The following IL16 variants were observed in gnomAD, a reference collection of about 807,000 sequenced individuals.
The protein encoded by IL16 is pro-interleukin-16.
A neutral mutation model predicts 110.1 loss-of-function variants in IL16; 67 were observed. The ratio of observed to expected loss-of-function variants is 0.61; its 90% CI spans 0.50 to 0.75. The LOEUF (loss-of-function observed/expected upper bound fraction) is 0.75. Ranked by LOEUF, IL16 falls within the 30% of genes least tolerant of loss-of-function variation. The pLI is 0.00. For synonymous variants in IL16, 689 were observed against 662.9 expected, an observed-to-expected ratio of 1.04 and a Z score of -0.61; for missense variants, 1,545 against 1,655.0, an observed-to-expected ratio of 0.93 and a Z score of 1.15.
At chr15:81,220,409 C>T (rs1173347764) in intron 1 of IL16, among the ~76,000 whole-genome samples, 1 of 152,228 alleles carries the variant, frequency 6.6e-6, no homozygotes, top group Non-Finnish European at 1.5e-5. Flanking sequence ...CCCACCTCGG[C>T]ATCCCAAAGT....
Position 81,196,958 on chromosome 15 carries a change from G to C in IL16, c.-296G>C, listed in dbSNP as rs1895615300. The C allele has an allele frequency of 2.4e-6, 3 of 1,268,002 alleles. No homozygotes were observed. Among genetic ancestry groups the C allele is most frequent in the Non-Finnish European group, 3.1e-6 (3 of 981,604 alleles). 78.5% of individuals were successfully genotyped at this position (1,268,002 alleles called of 1,614,324 possible). ...ACGGCATCTCAACTATCGGAGCCTG[G>C]GATCTGACTCAAAGGCCGGCCTCCG... On this transcript the variant is annotated 5_prime_UTR_variant, in exon 1 of 19. Coordinates refer to ENST00000683961, the MANE Select transcript of IL16 (RefSeq NM_172217.5).
At chr15:81,254,361 C>A (rs1163855352) in intron 2 of IL16, among the ~76,000 whole-genome samples, 1 of 152,202 alleles carries the variant, frequency 6.6e-6, no homozygotes, top group African/African-American at 2.4e-5. Context: ...AATTCTCCAT[C>A]TTCATTCTGG....
At chr15:81,258,734 T>G (rs1157905864) in intron 2 of IL16, among the ~76,000 whole-genome samples, 1 of 149,936 alleles carries the variant, frequency 6.7e-6, no homozygotes, top group Non-Finnish European at 1.5e-5. Context: ...GCACGCGCTC[T>G]CTCTCTCTCT....
In IL16 at chr15:81,295,622, C is replaced by A; in HGVS notation, c.1903-1306C>A. ...CTTCTAATGCCATGACTCAGCCTTA[C>A]TTTTTTTAAGGGCTAGTTCGAGAAG... On this transcript the variant is annotated intron_variant, in intron 12 of 18. Transcript: ENST00000683961. 4.4e-6 allele frequency: 3 copies of A among 674,450 alleles called. No individual in the cohort carries two copies. In the South Asian group the frequency reaches 4.8e-5, roughly 11 times the overall value. The allele number at this position is 674,450 out of a possible 1,614,324, so 41.8% of individuals were successfully genotyped here. A position where few individuals can be genotyped will look rare whatever the true frequency, so the allele number is the denominator to read the frequency against.
At chr15:81,292,497 G>T in intron 11 of IL16, 59 bp from the exon 12 acceptor site, 1 of 1,612,182 alleles carries the variant, frequency 6.2e-7, no homozygotes, top group South Asian at 1.1e-5. Context: ...GGTGAGGCCA[G>T]GGGGTATTTC....
At chr15:81,220,915 A>T (rs1055336042) in intron 1 of IL16, among the ~76,000 whole-genome samples, 1 of 152,192 alleles carries the variant, frequency 6.6e-6, no homozygotes, top group Non-Finnish European at 1.5e-5. Flanking sequence ...AAGGAGAGGA[A>T]CTATCCATTT....
In IL16 at chr15:81,313,434, A is replaced by C. The variant is rs533927144; in HGVS notation, c.*4636A>C. ...AAGGCAACAGCAGAGCTGTGTTATG[A>C]TCTGCAGCAGAGGTGCTGGGGACGA... On this transcript the variant is annotated 3_prime_UTR_variant, in exon 19 of 19. Transcript: ENST00000683961. 6.7e-7 allele frequency: 1 copy of C among 1,482,890 alleles called. No homozygotes were observed. The allele number at this position is 1,482,890 out of a possible 1,614,324, so 91.9% of individuals were successfully genotyped here. A position where few individuals can be genotyped will look rare whatever the true frequency, so the allele number is the denominator to read the frequency against.
At chr15:81,297,163 G>A in intron 13 of IL16, 85 bp downstream of exon 13, 1 of 1,346,932 alleles carries the variant, frequency 7.4e-7, no homozygotes, top group South Asian at 1.4e-5. Flanking sequence ...TTGGCCTGAG[G>A]ATCAGAGTGC....
At position 81,299,979 on chromosome 15, in the gene IL16, G is replaced by T; in HGVS notation, c.2653G>T (p.Gly885Ter). The T allele has an allele frequency of 6.2e-7, 1 of 1,602,498 alleles. No homozygotes were observed. Among genetic ancestry groups the T allele is most frequent in the Non-Finnish European group, 8.5e-7 (1 of 1,173,610 alleles). Residue 885 changes from glycine (G) to a stop codon, truncating the protein, a stop_gained, in exon 14 of 19, where the codon GGA (glycine) becomes TGA (stop). Transcript: ENST00000683961. LOFTEE classifies it high-confidence loss of function. ...LGKHEEGRFSGLLGRGAAPTL... is the reference protein window; with the variant it reads ...LGKHEEGRFS ...GAAGCATGAGGAAGGACGGTTTTCTGGACTCTTGGGGCGAGGGGCTGCACC... is the reference window on the plus strand; with the variant it reads ...GAAGCATGAGGAAGGACGGTTTTCTTGACTCTTGGGGCGAGGGGCTGCACC...
In IL16 at chr15:81,312,720, T is replaced by C. The variant is rs1326850891; in HGVS notation, c.*3922T>C. 1 of 152,260 alleles carries C rather than the reference T, an allele frequency of 6.6e-6. No homozygotes were observed. The highest frequency in any genetic ancestry group is 1.5e-5 in the Non-Finnish European group (1 of 68,050). 9.4% of individuals were successfully genotyped at this position (152,260 alleles called of 1,614,324 possible). On this transcript the variant is annotated 3_prime_UTR_variant, in exon 19 of 19. Transcript: ENST00000683961. The stretch of plus-strand genomic sequence containing the variant: ...AAACCATTATTTCCAAGTTGACACC[T>C]TTTTTAAGGAAAAATAAATATTTTG...
chr15:81,194,203 A>G (rs1038600893), upstream of IL16, among the ~76,000 whole-genome samples: 44 of 152,300 alleles, frequency 2.9e-4, no homozygotes, highest in African/African-American at 9.6e-4. Context: ...TCAGTAAGGT[A>G]AAAGGACTTG....
chr15:81,280,845 AC>A (rs1899140639), intron 8 of IL16, among the ~76,000 whole-genome samples: 1 of 152,220 alleles, frequency 6.6e-6, no homozygotes, highest in Admixed American at 6.5e-5. Flanking sequence ...AACAGCTGTA[AC>A]CAGGGCTCCC....
intron 2 of IL16, among the ~76,000 whole-genome samples, chr15:81,258,537 C>CA (rs1413393902): frequency 6.6e-6 from 1 of 151,964 alleles, no homozygotes; most frequent in African/African-American, 2.4e-5. Context: ...TCCGTCTCTA[C>CA]AAAAAATACA....
intron 1 of IL16, among the ~76,000 whole-genome samples, chr15:81,218,549 G>A (rs564997752): frequency 1.4e-4 from 22 of 152,194 alleles, no homozygotes; most frequent in Non-Finnish European, 2.5e-4. Context: ...CCTGCAAATA[G>A]CAAATCTTTA....
At chr15:81,205,994 C>T (rs1007685575) in intron 1 of IL16, among the ~76,000 whole-genome samples, 3 of 152,040 alleles carry the variant, frequency 2.0e-5, no homozygotes, top group South Asian at 2.1e-4. Flanking sequence ...AAACATAAAG[C>T]GTCGAAATAT....
Position 81,273,070 on chromosome 15 carries a change from C to T in IL16, c.676-20C>T. On this transcript the variant is annotated intron_variant, in intron 5 of 18. Coordinates refer to ENST00000683961, the MANE Select transcript of IL16 (RefSeq NM_172217.5). ...CATGGAATACTACCCCTAAATCAGA[C>T]CTTCTCTTTTTTTCCCCAGGGTCTG... 2 of 1,589,942 alleles carry T rather than the reference C, an allele frequency of 1.3e-6. No individual in the cohort carries two copies. Among genetic ancestry groups the T allele is most frequent in the Non-Finnish European group, 1.7e-6 (2 of 1,158,904 alleles).
intron 2 of IL16, 28 bp downstream of exon 2, chr15:81,225,739 T>C: frequency 6.6e-7 from 1 of 1,523,602 alleles, no homozygotes; most frequent in Non-Finnish European, 8.9e-7. Flanking sequence ...AGGCCTGAAC[T>C]AGCCTGCAGT....
At chr15:81,194,651 C>T (rs1449527109), upstream of IL16, among the ~76,000 whole-genome samples, 1 of 151,956 alleles carries the variant, frequency 6.6e-6, no homozygotes, top group African/African-American at 2.4e-5. Flanking sequence ...GAAACTTTAG[C>T]AAGCATCAGA....
intron 12 of IL16, 79 bp from the exon 13 acceptor site, chr15:81,296,849 C>T: frequency 2.3e-6 from 3 of 1,308,506 alleles, no homozygotes; most frequent in Non-Finnish European, 3.2e-6. Context: ...GTTTTTCCGT[C>T]CCAATCAAAG....
Sources: allele counts gnomAD v4.1 joint callset (sites outside exome capture counted in the v4.1 genomes callset), GRCh38; gene constraint gnomAD v4.1.1; transcripts MANE v1.5; gene names NCBI Gene and HGNC (gene_info 2026-07-23, HGNC 2026-07-21).